KCNU1: variants seen among roughly 807,000 people sequenced by gnomAD.
KCNU1 encodes the protein potassium calcium-activated channel subfamily U member 1.
Under a neutral mutation model 126.8 loss-of-function variants are expected in KCNU1, and 93 were observed. That is an observed-to-expected ratio of 0.73 (90% CI 0.62 to 0.87). The LOEUF is 0.87. Among genes scored for constraint, KCNU1 ranks in the 40% least tolerant of loss-of-function variants. The pLI, the probability that KCNU1 is intolerant of heterozygous loss-of-function variation, is 0.00. For synonymous variants in KCNU1, 523 were observed against 494.2 expected (o/e 1.06, Z -0.77); for missense variants, 1,330 against 1,367.1 (o/e 0.97, Z 0.43).
chr8:36,875,069 GA>G (rs1806231746), intron 19 of KCNU1, among the ~76,000 whole-genome samples: 1 of 151,862 alleles, frequency 6.6e-6, no homozygotes, highest in African/African-American at 2.4e-5. Flanking sequence ...TACCAGTGGG[GA>G]AAAAGCTAGT....
chr8:36,905,289 A>G (rs1807578803), intron 19 of KCNU1, among the ~76,000 whole-genome samples: 1 of 152,112 alleles, frequency 6.6e-6, no homozygotes, highest in African/African-American at 2.4e-5. Flanking sequence ...ACAGGAGGAA[A>G]ATAGGCTAAG....
Position 36,817,094 on chromosome 8 carries a change from G to T in KCNU1, c.996-556G>T, listed in dbSNP as rs182801476. 7.2e-5 allele frequency among the ~76,000 whole-genome samples: 11 copies of T among 152,298 alleles called. No individual in the cohort carries two copies. In the East Asian group the frequency reaches 2.1e-3, roughly 29 times the overall value. On this transcript the variant is annotated intron_variant, in intron 9 of 26. Transcript: ENST00000399881. ...CTCTTGTACTCTTAAAAAGCTGGGT[G>T]CAATTTAAATGTTTGGCTTCATATT...
At chr8:36,900,159 GAC>G (rs33995905) in intron 19 of KCNU1, among the ~76,000 whole-genome samples, 58,369 of 151,860 alleles carry the variant, frequency 0.38, 11,334 homozygotes, top group Admixed American at 0.44. Flanking sequence ...CTGGATGCAA[GAC>G]ACAGAGCCTG....
chr8:36,800,880 G>A (rs1030445745), intron 2 of KCNU1, among the ~76,000 whole-genome samples: 1 of 152,186 alleles, frequency 6.6e-6, no homozygotes, highest in Non-Finnish European at 1.5e-5. Context: ...ACGTGCTTCA[G>A]CAAAACAGGA....
intron 20 of KCNU1, 69 bp from the exon 21 acceptor site, chr8:36,909,241 AG>A: frequency 2.2e-6 from 2 of 910,716 alleles, no homozygotes; most frequent in Non-Finnish European, 3.6e-6. Context: ...GGAGGAGAAG[AG>A]GGGGCCTACT....
Position 36,864,458 on chromosome 8 carries a change from C to G in KCNU1, c.1946C>G (p.Ser649Ter), listed in dbSNP as rs1181763757. The G allele has an allele frequency of 1.9e-6, 3 of 1,613,090 alleles. No homozygotes were observed. Among genetic ancestry groups the G allele is most frequent in the African/African-American group, 2.7e-5 (2 of 75,016 alleles). Reference protein sequence around the residue: ...KCLKGISSRISGQDSPPRVSA... With the variant: ...KCLKGISSRI ...CTGAAGGGAATCTCCTCTCGTATAT[C>G]AGGGCAGGATTCTCCGCCAAGGGTA... The change falls in exon 19 of 27, where the codon TCA becomes TGA. Residue 649 changes from serine (S) to a stop codon, truncating the protein, a stop_gained. Transcript: ENST00000399881. LOFTEE classifies it high-confidence loss of function.
intron 7 of KCNU1, among the ~76,000 whole-genome samples, chr8:36,811,421 AG>A (rs1398680559): frequency 4.3e-4 from 66 of 152,282 alleles, no homozygotes; most frequent in African/African-American, 1.2e-3. Context: ...ACTAGCTTCA[AG>A]TTTCTTGACA....
At chr8:36,855,227 A>C (rs1805488228) in intron 18 of KCNU1, among the ~76,000 whole-genome samples, 1 of 152,146 alleles carries the variant, frequency 6.6e-6, no homozygotes, top group African/African-American at 2.4e-5. Context: ...AAAGTCCCTT[A>C]TAAGTAAGAA....
intron 11 of KCNU1, among the ~76,000 whole-genome samples, 184 bp from the exon 12 acceptor site, chr8:36,834,602 C>T (rs759015689): frequency 1.9e-4 from 29 of 152,174 alleles, no homozygotes; most frequent in Admixed American, 8.5e-4. Context: ...CAACCCTTGC[C>T]CTTTGCAGCA....
intron 6 of KCNU1, among the ~76,000 whole-genome samples, chr8:36,807,995 A>T (rs1050904331): frequency 1.3e-5 from 2 of 152,326 alleles, no homozygotes; most frequent in South Asian, 4.1e-4. Flanking sequence ...AATTTTGAGC[A>T]GTTTGGTCTG....
At chr8:36,925,157 G>A (rs1334061490) in intron 24 of KCNU1, among the ~76,000 whole-genome samples, 1 of 152,128 alleles carries the variant, frequency 6.6e-6, no homozygotes, top group Non-Finnish European at 1.5e-5. Flanking sequence ...GAAGATTCTT[G>A]CTGGAAAACA....
rs1804638745 is a variant in KCNU1 at position 36,833,589 on chromosome 8, A to G, written c.1142A>G (p.Lys381Arg). ...TCTTTGGAACTTGAAACCATATTTA[A>G]ATGCTACTTGGCCTACACAACGTTC... ...PPSLELETIF[K>R]CYLAYTTFIS... Residue 381 changes from lysine (K) to arginine (R), a missense_variant, in exon 11 of 27, where the codon AAA becomes AGA. Lys to Arg is a conservative substitution (Grantham distance 26). This residue lies in a region of KCNU1 where 1,054 missense variants were observed against 1,053.9 expected (regional missense o/e 1.00). Transcript: ENST00000399881. 1 of 1,612,056 alleles carries G rather than the reference A, an allele frequency of 6.2e-7. No homozygotes were observed. The highest frequency in any genetic ancestry group is 2.2e-5 in the East Asian group (1 of 44,756).
At chr8:36,809,919 A>G (rs1474676100) in intron 7 of KCNU1, among the ~76,000 whole-genome samples, 1 of 152,072 alleles carries the variant, frequency 6.6e-6, no homozygotes, top group Non-Finnish European at 1.5e-5. Flanking sequence ...GCTGACTTTT[A>G]TGAAGAGCTC....
intron 25 of KCNU1, 38 bp downstream of exon 25, chr8:36,931,183 T>TGAGC: frequency 6.8e-7 from 1 of 1,467,606 alleles, no homozygotes; most frequent in African/African-American, 1.4e-5. Context: ...TTTTCACTTC[T>TGAGC]TTACCTCTCT....
chr8:36,836,864 A>G lies in KCNU1; in HGVS notation c.1437A>G (p.Lys479=), dbSNP rs146507626. The G allele has an allele frequency of 8.7e-4, 1,406 of 1,613,774 alleles. 17 individuals are homozygous for G. In the African/African-American group the frequency reaches 0.017, roughly 19 times the overall value. ...GDNIICFAEL[K]LGFIAQGCLV... ...ACATCATCTGCTTTGCTGAATTAAA[A>G]CTTGGATTTATCGCCCAAGGCTGTT... Residue 479 remains lysine (K), a synonymous_variant, in exon 14 of 27, where the codon AAA becomes AAG. Transcript: ENST00000399881.
intron 20 of KCNU1, among the ~76,000 whole-genome samples, chr8:36,907,311 G>A (rs143439895): frequency 6.6e-6 from 1 of 152,080 alleles, no homozygotes; most frequent in African/African-American, 2.4e-5. Flanking sequence ...TCTTAATCAG[G>A]AGACAGTTTA....
chr8:36,885,566 T>TA (rs958759743), intron 19 of KCNU1, among the ~76,000 whole-genome samples: 12 of 151,004 alleles, frequency 7.9e-5, no homozygotes, highest in South Asian at 2.1e-4. Flanking sequence ...ATTAAAAAAA[T>TA]AAAAAAAACT....
rs371198589 is a variant in KCNU1 at position 36,935,608 on chromosome 8, G to C, written c.3138G>C (p.Arg1046Ser). The part of the protein sequence containing the change: ...AIPFSTACYK[R>S]NEEFSLQKSY... The stretch of plus-strand genomic sequence containing the variant: ...CCTTCAGCACTGCTTGTTATAAAAG[G>C]AATGAAGAGTTCTCATTGCAAAAGT... The change falls in exon 27 of 27, where the codon AGG (arginine) becomes AGC (serine). Residue 1046 changes from arginine (R) to serine (S), a missense_variant. Physicochemically the swap from Arg to Ser is moderately radical, Grantham distance 110. Coordinates refer to ENST00000399881, the MANE Select transcript of KCNU1 (RefSeq NM_001031836.3). The C allele has an allele frequency of 8.7e-6, 14 of 1,613,070 alleles. No individual in the cohort carries two copies. The highest frequency in any genetic ancestry group is 2.7e-5 in the African/African-American group (2 of 74,860).
chr8:36,852,492 G>A lies in KCNU1; in HGVS notation c.1891+6593G>A, dbSNP rs191142195. On this transcript the variant is annotated intron_variant, in intron 18 of 26. Transcript: ENST00000399881. ...AAGAATTTTACTTGTGAAGCAATCA[G>A]GGCCTAACTTAACATTTTTTATTAT... Among the ~76,000 whole-genome samples the A allele has an allele frequency of 4.6e-5, 7 of 152,158 alleles. No homozygotes were observed. The East Asian group carries it at 5.8e-4, about 13-fold the overall frequency.
Sources: allele counts gnomAD v4.1 joint callset (sites outside exome capture counted in the v4.1 genomes callset), GRCh38; gene constraint gnomAD v4.1.1; regional missense constraint gnomAD v4.1.1; transcripts MANE v1.5; gene names NCBI Gene and HGNC (gene_info 2026-07-23, HGNC 2026-07-21).